TNFSF8: variants seen among roughly 807,000 people sequenced by gnomAD.
TNFSF8 encodes tumor necrosis factor ligand superfamily member 8.
A neutral mutation model predicts 22.0 loss-of-function variants in TNFSF8; 4 were observed. The observed-to-expected ratio is 0.18, with a 90% CI of 0.09 to 0.42. The LOEUF is 0.42. TNFSF8 is among the 10% of genes least tolerant of loss of function. The pLI is 1.00. For synonymous variants in TNFSF8, 106 were observed against 112.5 expected, an observed-to-expected ratio of 0.94 and a Z score of 0.37; for missense variants, 233 against 281.8, an observed-to-expected ratio of 0.83 and a Z score of 1.24.
intron 1 of TNFSF8, among the ~76,000 whole-genome samples, chr9:114,922,303 G>C (rs999451923): frequency 1.1e-4 from 17 of 152,178 alleles, no homozygotes; most frequent in Non-Finnish European, 1.9e-4. Context: ...GCTCTGTTTG[G>C]AATATGCCAG....
At chr9:114,900,599 C>T (rs1046647021), downstream of TNFSF8, among the ~76,000 whole-genome samples, 4 of 152,168 alleles carry the variant, frequency 2.6e-5, no homozygotes, top group Non-Finnish European at 5.9e-5. Flanking sequence ...CTGCTCTCGC[C>T]CCGGTCACTC....
In TNFSF8 at chr9:114,902,618, A is replaced by G. The variant is rs1226902572; in HGVS notation, c.*1313T>C. On this transcript the variant is annotated 3_prime_UTR_variant, in exon 4 of 4. Transcript: ENST00000223795. ...AGGGCACCCTGAACCTTGTCCCCATATTCTGGCTCTGCTGAGATGAGATGC... is the reference window on the plus strand; with the variant it reads ...AGGGCACCCTGAACCTTGTCCCCATGTTCTGGCTCTGCTGAGATGAGATGC... The G allele has an allele frequency of 1.0e-6, 1 of 985,196 alleles. No homozygotes were observed. The highest frequency in any genetic ancestry group is 1.7e-5 in the African/African-American group (1 of 57,202). The allele number at this position is 985,196 out of a possible 1,614,324, so 61.0% of individuals were successfully genotyped here.
At chr9:114,919,533 A>T (rs1827961864) in intron 1 of TNFSF8, among the ~76,000 whole-genome samples, 1 of 152,140 alleles carries the variant, frequency 6.6e-6, no homozygotes, top group Admixed American at 6.5e-5. Flanking sequence ...AGCCATGGAG[A>T]CACCCATACA....
downstream of TNFSF8, among the ~76,000 whole-genome samples, chr9:114,898,006 ATT>A (rs34397268): frequency 5.5e-4 from 79 of 144,712 alleles, 1 homozygote; most frequent in Admixed American, 5.5e-4. Flanking sequence ...AATGATGCCT[ATT>A]TTTTTTTTTT....
chr9:114,897,154 C>A (rs1445036605), downstream of TNFSF8, among the ~76,000 whole-genome samples: 1 of 152,120 alleles, frequency 6.6e-6, no homozygotes, highest in Non-Finnish European at 1.5e-5. Context: ...ACCCACCTTG[C>A]CCTCCCAAAG....
intron 1 of TNFSF8, among the ~76,000 whole-genome samples, chr9:114,924,201 G>A (rs555419463): frequency 2.0e-5 from 3 of 152,228 alleles, no homozygotes; most frequent in Non-Finnish European, 2.9e-5. Context: ...ATGCAGATTC[G>A]GATTCAGGAG....
chr9:114,898,781 T>C (rs559391006), downstream of TNFSF8, among the ~76,000 whole-genome samples: 1 of 152,270 alleles, frequency 6.6e-6, no homozygotes, highest in South Asian at 2.1e-4. Flanking sequence ...CTTGTAGAAT[T>C]GTCAGGAGGT....
intron 2 of TNFSF8, among the ~76,000 whole-genome samples, chr9:114,906,511 G>A (rs958801738): frequency 6.6e-5 from 10 of 152,192 alleles, no homozygotes; most frequent in South Asian, 2.1e-4. Flanking sequence ...GTTCAGACAA[G>A]TTTGTGTAAA....
downstream of TNFSF8, among the ~76,000 whole-genome samples, chr9:114,900,852 C>T (rs898471763): frequency 7.9e-5 from 12 of 152,034 alleles, no homozygotes; most frequent in South Asian, 2.1e-4. Flanking sequence ...TGTGGTGGTG[C>T]GTGCCTGTAG....
chr9:114,894,376 G>A (rs1827637113), intron 4 of TNFSF8, among the ~76,000 whole-genome samples: 1 of 152,100 alleles, frequency 6.6e-6, no homozygotes, highest in African/African-American at 2.4e-5. Context: ...GAGCAATAAT[G>A]TCTGAGTTGA....
intron 1 of TNFSF8, among the ~76,000 whole-genome samples, chr9:114,919,325 A>C (rs1312507904): frequency 6.6e-6 from 1 of 152,184 alleles, no homozygotes; most frequent in East Asian, 1.9e-4. Context: ...ATATTTACAC[A>C]AATAAGAGGT....
intron 2 of TNFSF8, among the ~76,000 whole-genome samples, chr9:114,907,534 C>A (rs17292087): frequency 6.6e-6 from 1 of 151,928 alleles, no homozygotes; most frequent in African/African-American, 2.4e-5. Flanking sequence ...GCATGGAAGC[C>A]CTTTCTGACT....
At chr9:114,905,799 G>T in intron 3 of TNFSF8, 29 bp downstream of exon 3, 1 of 1,577,208 alleles carries the variant, frequency 6.3e-7, no homozygotes, top group Non-Finnish European at 8.7e-7. Context: ...GTTTTCATAT[G>T]TTTAGGTTTC....
intron 3 of TNFSF8, among the ~76,000 whole-genome samples, chr9:114,904,732 A>G (rs1435796067): frequency 6.6e-6 from 1 of 152,200 alleles, no homozygotes; most frequent in Admixed American, 6.5e-5. Context: ...GGTCATTGCA[A>G]AAGGTATCAG....
intron 2 of TNFSF8, among the ~76,000 whole-genome samples, chr9:114,908,574 C>T (rs1165479428): frequency 3.3e-5 from 5 of 152,098 alleles, no homozygotes; most frequent in South Asian, 2.1e-4. Context: ...GCCTCTCACA[C>T]GTTCTGGTTC....
chr9:114,929,037 G>A (rs1437546865), intron 1 of TNFSF8, among the ~76,000 whole-genome samples: 1 of 152,106 alleles, frequency 6.6e-6, no homozygotes, highest in African/African-American at 2.4e-5. Context: ...AGGTCATGTG[G>A]GTGGGTGCAG....
In TNFSF8 at chr9:114,930,266, G is replaced by A; in HGVS notation, c.38C>T (p.Ala13Val). The A allele has an allele frequency of 1.2e-6, 2 of 1,600,284 alleles. No individual in the cohort carries two copies. The highest frequency in any genetic ancestry group is 1.7e-5 in the Admixed American group (1 of 57,814). ...PGLQQALNGM[A>V]PPGDTAMHVP... ...ATGCATGGCTGTGTCTCCAGGAGGG[G>A]CCATTCCGTTGAGTGCTTGCTGCAG... Residue 13 changes from alanine (A) to valine (V), a missense_variant, in exon 1 of 4, where the codon GCC becomes GTC. Coordinates refer to ENST00000223795, the MANE Select transcript of TNFSF8 (RefSeq NM_001244.4).
chr9:114,913,638 A>C (rs1048624861), intron 2 of TNFSF8, among the ~76,000 whole-genome samples: 4 of 152,212 alleles, frequency 2.6e-5, no homozygotes, highest in African/African-American at 9.6e-5. Context: ...CAGATGGTCT[A>C]CAATACAATC....
chr9:114,918,471 A>G (rs533213633), intron 1 of TNFSF8, among the ~76,000 whole-genome samples: 1 of 149,570 alleles, frequency 6.7e-6, no homozygotes, highest in East Asian at 2.0e-4. Context: ...TTTTTTTTAG[A>G]CAAAGTTTTA....
Sources: allele counts gnomAD v4.1 joint callset (sites outside exome capture counted in the v4.1 genomes callset), GRCh38; gene constraint gnomAD v4.1.1; transcripts MANE v1.5; gene names NCBI Gene and HGNC (gene_info 2026-07-23, HGNC 2026-07-21).